The following LINGO2 variants were observed in gnomAD, a reference collection of about 807,000 sequenced individuals.
LINGO2 encodes the protein leucine-rich repeat and immunoglobulin-like domain-containing nogo receptor-interacting protein 2.
A neutral mutation model predicts 30.6 loss-of-function variants in LINGO2; 14 were observed. The observed-to-expected ratio is 0.46, with a 90% confidence interval of 0.30 to 0.72. LINGO2 has a LOEUF of 0.72. Among genes scored for constraint, LINGO2 ranks in the 30% least tolerant of loss-of-function variants. The pLI, the probability that LINGO2 is intolerant of heterozygous loss-of-function variation, is 0.07. For synonymous variants in LINGO2, 317 were observed against 288.5 expected (o/e 1.10, Z -1.00); for missense variants, 729 against 751.7 (o/e 0.97, Z 0.35).
intron 3 of LINGO2, among the ~76,000 whole-genome samples, chr9:28,341,193 C>G (rs559713120): frequency 6.6e-6 from 1 of 152,044 alleles, no homozygotes; most frequent in South Asian, 2.1e-4. Flanking sequence ...CCATCTCTTA[C>G]AGCACATAAC....
chr9:28,675,153 C>T (rs1310264353), upstream of LINGO2, among the ~76,000 whole-genome samples: 4 of 152,002 alleles, frequency 2.6e-5, no homozygotes, highest in East Asian at 5.8e-4. Flanking sequence ...GTGAGAAAGG[C>T]GGTATTATCC....
chr9:28,347,021 T>C (rs902178107), intron 3 of LINGO2, among the ~76,000 whole-genome samples: 2 of 152,174 alleles, frequency 1.3e-5, no homozygotes, highest in Admixed American at 6.5e-5. Context: ...GTACAGAAGC[T>C]CTAAAGTTTA....
At chr9:27,987,949 T>C (rs1409813220) in intron 5 of LINGO2, among the ~76,000 whole-genome samples, 5 of 151,986 alleles carry the variant, frequency 3.3e-5, no homozygotes, top group Non-Finnish European at 7.4e-5. Flanking sequence ...GCGTGCTGCA[T>C]CCATTAACTC....
chr9:28,806,913 A>G, the LINGO2 span, among the ~76,000 whole-genome samples: 2 of 152,056 alleles, frequency 1.3e-5, no homozygotes, highest in African/African-American at 4.8e-5. Flanking sequence ...TAGTCATATT[A>G]AAATTGTTTC....
chr9:28,675,276 G>A (rs1249019839), upstream of LINGO2, among the ~76,000 whole-genome samples: 3 of 152,072 alleles, frequency 2.0e-5, 1 homozygote, highest in African/African-American at 7.2e-5. Flanking sequence ...GAATGGCTTT[G>A]GACATGGAAG....
the LINGO2 span, among the ~76,000 whole-genome samples, chr9:28,760,385 G>T: frequency 6.6e-6 from 1 of 151,966 alleles, no homozygotes; most frequent in Non-Finnish European, 1.5e-5. Flanking sequence ...ATCACTAAGG[G>T]TTATTCATGA....
chr9:29,025,985 G>A, the LINGO2 span, among the ~76,000 whole-genome samples: 12 of 151,964 alleles, frequency 7.9e-5, no homozygotes, highest in Non-Finnish European at 1.0e-4. Flanking sequence ...TCTTTTTTAT[G>A]AGTGAATACT....
At chr9:28,483,258 A>C (rs973059671) in intron 1 of LINGO2, among the ~76,000 whole-genome samples, 2 of 152,126 alleles carry the variant, frequency 1.3e-5, no homozygotes, top group African/African-American at 4.8e-5. Context: ...TCTCCAAAGC[A>C]ATGGACTATC....
the LINGO2 span, among the ~76,000 whole-genome samples, chr9:29,115,388 A>G: frequency 6.6e-6 from 1 of 152,036 alleles, no homozygotes; most frequent in Non-Finnish European, 1.5e-5. Flanking sequence ...AAAGTGTTCA[A>G]ATAATATTTC....
the LINGO2 span, among the ~76,000 whole-genome samples, chr9:29,060,582 A>G: frequency 6.6e-6 from 1 of 152,102 alleles, no homozygotes; most frequent in African/African-American, 2.4e-5. Context: ...TTGGAAATAT[A>G]AAACAATAAC....
chr9:28,572,463 G>A (rs1348863679), intron 1 of LINGO2, among the ~76,000 whole-genome samples: 4 of 151,988 alleles, frequency 2.6e-5, no homozygotes, highest in Admixed American at 6.6e-5. Context: ...TCCAATACTT[G>A]ACATTATTTT....
At chr9:29,126,210 CA>C in the LINGO2 span, among the ~76,000 whole-genome samples, 4 of 151,852 alleles carry the variant, frequency 2.6e-5, no homozygotes, top group Non-Finnish European at 5.9e-5. Context: ...AGAAAATAAT[CA>C]GAAAAAAATA....
chr9:28,596,860 T>A (rs1775909144), intron 1 of LINGO2, among the ~76,000 whole-genome samples: 1 of 152,112 alleles, frequency 6.6e-6, no homozygotes, highest in Admixed American at 6.6e-5. Context: ...GCTGGATTGA[T>A]AAAGGGGACT....
At chr9:28,855,674 C>A in the LINGO2 span, among the ~76,000 whole-genome samples, 1 of 152,008 alleles carries the variant, frequency 6.6e-6, no homozygotes, top group Admixed American at 6.6e-5. Context: ...CACATACACA[C>A]ACACAAGCAA....
At position 28,150,176 on chromosome 9, in the gene LINGO2, G is replaced by T. The variant is rs528589685; in HGVS notation, c.-86-137771C>A. 1.1e-4 allele frequency among the ~76,000 whole-genome samples: 17 copies of T among 150,998 alleles called. No individual in the cohort carries two copies. The South Asian group carries it at 3.6e-3, about 32-fold the overall frequency. On this transcript the variant is annotated intron_variant, in intron 4 of 5. Coordinates refer to ENST00000379992, the Ensembl canonical transcript of LINGO2. ...CCCTCACCGTTTGTAAGGGAGAAGC[G>T]CCTCTGCCCAGCCCCTGCACCGTCT...
chr9:28,868,189 A>G, the LINGO2 span, among the ~76,000 whole-genome samples: 1 of 152,114 alleles, frequency 6.6e-6, no homozygotes, highest in Non-Finnish European at 1.5e-5. Context: ...GAAGTATACT[A>G]TGACTTATTT....
intron 4 of LINGO2, among the ~76,000 whole-genome samples, chr9:28,029,339 T>C (rs1823545738): frequency 6.6e-6 from 1 of 152,184 alleles, no homozygotes; most frequent in Non-Finnish European, 1.5e-5. Flanking sequence ...ACTGTTCTGC[T>C]GCGTTTGATC....
the LINGO2 span, among the ~76,000 whole-genome samples, chr9:29,159,390 A>T: frequency 6.6e-6 from 1 of 152,182 alleles, no homozygotes; most frequent in Non-Finnish European, 1.5e-5. Context: ...TTGCTTCATT[A>T]GAGAGCAATC....
chr9:28,700,429 A>C, the LINGO2 span, among the ~76,000 whole-genome samples: 6 of 152,002 alleles, frequency 3.9e-5, no homozygotes, highest in Non-Finnish European at 5.9e-5. Flanking sequence ...TTCACTTAGA[A>C]GTATGTTCCT....
Sources: gnomAD v4.1 joint callset for allele counts (sites outside exome capture counted in the v4.1 genomes callset) on GRCh38, gnomAD v4.1.1 for gene constraint, MANE v1.5 for transcripts, NCBI Gene and HGNC (gene_info 2026-07-23, HGNC 2026-07-21) for gene names.